The following OVCH1 variants were observed in gnomAD, a reference collection of about 807,000 sequenced individuals.
OVCH1 encodes ovochymase 1, also known as ovochymase-1.
A neutral mutation model predicts 138.4 loss-of-function variants in OVCH1; 139 were observed. That is an observed-to-expected ratio of 1.00 (90% CI 0.87 to 1.16). The LOEUF is 1.16. Ranked by LOEUF, OVCH1 falls within the 50% of genes most tolerant of loss-of-function variation. The probability of loss-of-function intolerance (pLI) is 0.00; values close to 1 mark genes in which losing one functional copy is unlikely to be tolerated. For synonymous variants in OVCH1, 453 were observed against 467.8 expected (o/e 0.97, Z 0.41); for missense variants, 1,367 against 1,357.9 (o/e 1.01, Z -0.11).
chr12:29,423,690 C>T (rs182653471), downstream of OVCH1, among the ~76,000 whole-genome samples: 3 of 152,288 alleles, frequency 2.0e-5, no homozygotes, highest in South Asian at 2.1e-4. Flanking sequence ...AAAGGTGGTC[C>T]TGATAGTAAC....
intron 26 of OVCH1, among the ~76,000 whole-genome samples, chr12:29,434,202 T>C (rs1941318249): frequency 6.6e-6 from 1 of 152,190 alleles, no homozygotes; most frequent in South Asian, 2.1e-4. Context: ...TTGATATTAG[T>C]ACATTCAGGA....
intron 22 of OVCH1, among the ~76,000 whole-genome samples, chr12:29,446,811 T>C (rs999835816): frequency 6.6e-6 from 1 of 152,042 alleles, no homozygotes. Flanking sequence ...TTCAGCATGA[T>C]TTTTAAAGTT....
chr12:29,462,344 C>G (rs1029463970), intron 18 of OVCH1, among the ~76,000 whole-genome samples: 3 of 149,604 alleles, frequency 2.0e-5, no homozygotes, highest in African/African-American at 7.6e-5. Flanking sequence ...GAATTGGTGT[C>G]ACATATAACT....
chr12:29,433,568 C>T (rs1169258147), intron 27 of OVCH1, among the ~76,000 whole-genome samples: 2 of 152,078 alleles, frequency 1.3e-5, no homozygotes, highest in Non-Finnish European at 2.9e-5. Context: ...TGATTATTGA[C>T]GATCTCCATT....
At chr12:29,408,042 C>T (rs999853491), downstream of OVCH1, among the ~76,000 whole-genome samples, 9 of 139,808 alleles carry the variant, frequency 6.4e-5, no homozygotes, top group Admixed American at 1.4e-4. Context: ...AAGTTGGATT[C>T]CTAGGTATTT....
At chr12:29,483,676 A>G (rs1404532584) in intron 8 of OVCH1, among the ~76,000 whole-genome samples, 2 of 151,930 alleles carry the variant, frequency 1.3e-5, no homozygotes, top group African/African-American at 2.4e-5. Flanking sequence ...AACCCAAAAA[A>G]CCCCAATCTT....
intron 26 of OVCH1, among the ~76,000 whole-genome samples, chr12:29,434,462 T>C (rs1941322599): frequency 1.3e-5 from 2 of 152,302 alleles, no homozygotes; most frequent in African/African-American, 4.8e-5. Flanking sequence ...AATTACAATC[T>C]ATTAATTTAC....
chr12:29,405,931 A>G, the OVCH1 span, among the ~76,000 whole-genome samples: 1 of 152,330 alleles, frequency 6.6e-6, no homozygotes, highest in South Asian at 2.1e-4. Flanking sequence ...TTGTTAACTC[A>G]GTTGTACAAT....
chr12:29,477,701 C>T (rs1942790281), intron 9 of OVCH1: 2 of 1,119,492 alleles, frequency 1.8e-6, no homozygotes, highest in African/African-American at 1.6e-5. Context: ...ACTTATTCTT[C>T]AGGGCCTAAC....
At chr12:29,456,964 A>G (rs1796705748) in intron 19 of OVCH1, among the ~76,000 whole-genome samples, 1 of 152,194 alleles carries the variant, frequency 6.6e-6, no homozygotes, top group Non-Finnish European at 1.5e-5. Context: ...TAAGTCCTTT[A>G]TTTGTCTTCT....
the OVCH1 span, among the ~76,000 whole-genome samples, chr12:29,406,076 T>C: frequency 6.6e-6 from 1 of 152,216 alleles, no homozygotes; most frequent in Non-Finnish European, 1.5e-5. Context: ...AGAAATTGGC[T>C]GATACCTTCA....
At chr12:29,492,430 C>G (rs927632422) in intron 4 of OVCH1, among the ~76,000 whole-genome samples, 2 of 151,846 alleles carry the variant, frequency 1.3e-5, no homozygotes, top group South Asian at 2.1e-4. Context: ...AGTGGAGAAC[C>G]ATTGAAGTGG....
At chr12:29,402,617 T>G in the OVCH1 span, among the ~76,000 whole-genome samples, 1 of 148,854 alleles carries the variant, frequency 6.7e-6, no homozygotes, top group East Asian at 2.0e-4. Context: ...GGATGAGAAT[T>G]TGGAAGAGTA....
At chr12:29,419,133 C>A (rs1287921584) in intron 3 of OVCH1, among the ~76,000 whole-genome samples, 5 of 152,152 alleles carry the variant, frequency 3.3e-5, no homozygotes, top group Admixed American at 3.3e-4. Context: ...GCTAGGATTA[C>A]AGGTGTGAAC....
chr12:29,476,182 A>G (rs1942706465), intron 13 of OVCH1, 24 bp downstream of exon 13: 5 of 1,574,520 alleles, frequency 3.2e-6, no homozygotes, highest in Non-Finnish European at 3.5e-6. Flanking sequence ...ACACTTTCAT[A>G]TTTAAAGGGT....
At chr12:29,458,583 G>C (rs11609415) in intron 19 of OVCH1, among the ~76,000 whole-genome samples, 20,558 of 152,048 alleles carry the variant, frequency 0.14, 1,379 homozygotes, top group African/African-American at 0.14. Flanking sequence ...ATTCTGGACT[G>C]GACAAAGATT....
chr12:29,429,070 A>G (rs948081226), intron 27 of OVCH1, among the ~76,000 whole-genome samples: 5 of 152,176 alleles, frequency 3.3e-5, no homozygotes, highest in Admixed American at 6.5e-5. Flanking sequence ...AGCACCACTC[A>G]TCGGTAAAGA....
At chr12:29,406,326 A>G in the OVCH1 span, among the ~76,000 whole-genome samples, 1 of 152,112 alleles carries the variant, frequency 6.6e-6, no homozygotes, top group South Asian at 2.1e-4. Flanking sequence ...TTTTATTATT[A>G]TACTTTAAGT....
intron 22 of OVCH1, among the ~76,000 whole-genome samples, chr12:29,449,987 T>TC (rs1386912856): frequency 1.3e-5 from 2 of 152,140 alleles, no homozygotes; most frequent in East Asian, 1.9e-4. Flanking sequence ...CTGGACCCCT[T>TC]CCTCCTTACA....
Sources: gnomAD v4.1 joint callset for allele counts (sites outside exome capture counted in the v4.1 genomes callset) on GRCh38, gnomAD v4.1.1 for gene constraint, MANE v1.5 for transcripts, NCBI Gene and HGNC (gene_info 2026-07-23, HGNC 2026-07-21) for gene names.